The following SLC60A1 variants were observed in gnomAD, a reference collection of about 807,000 sequenced individuals.
SLC60A1 encodes the protein major facilitator superfamily domain containing 4.
chr1:205,586,945 G>A, the SLC60A1 span, among the ~76,000 whole-genome samples: 1 of 152,044 alleles, frequency 6.6e-6, no homozygotes, highest in Non-Finnish European at 1.5e-5. Context: ...TGATCCACCC[G>A]CCTCGGCCTC....
the SLC60A1 span, among the ~76,000 whole-genome samples, chr1:205,573,534 A>G: frequency 6.7e-6 from 1 of 150,326 alleles, no homozygotes; most frequent in Non-Finnish European, 1.5e-5. Context: ...ACATTATGCT[A>G]AGTGAAAGAA....
chr1:205,592,306 C>A, the SLC60A1 span: 1 of 1,599,564 alleles, frequency 6.3e-7, no homozygotes, highest in Non-Finnish European at 8.5e-7. Flanking sequence ...CGGGCCCGAG[C>A]CAGGAGGCGC....
the SLC60A1 span, among the ~76,000 whole-genome samples, chr1:205,597,373 G>GTTTTTTGTTTTTTTTTT: frequency 5.4e-5 from 2 of 37,228 alleles, 1 homozygote; most frequent in African/African-American, 1.3e-4. Context: ...AACCTAGGTT[G>GTTTTTTGTTTTTTTTTT]TTTTTTTTTT....
chr1:205,574,734 G>A, the SLC60A1 span, among the ~76,000 whole-genome samples: 109,171 of 152,024 alleles, frequency 0.72, 39,854 homozygotes, highest in East Asian at 0.83. Context: ...AGAGCCAGGC[G>A]TGCAAAGAAT....
At chr1:205,592,281 T>C in the SLC60A1 span, 1 of 1,613,016 alleles carries the variant, frequency 6.2e-7, no homozygotes, top group Non-Finnish European at 8.5e-7. Flanking sequence ...CTCGCTGCAG[T>C]ACAAAGGTGA....
At chr1:205,591,649 C>A in the SLC60A1 span, among the ~76,000 whole-genome samples, 1 of 152,250 alleles carries the variant, frequency 6.6e-6, no homozygotes, top group South Asian at 2.1e-4. Context: ...GAGGATGGGA[C>A]CCTGCTGCCA....
chr1:205,588,667 C>A, the SLC60A1 span, among the ~76,000 whole-genome samples: 1 of 150,696 alleles, frequency 6.6e-6, no homozygotes, highest in East Asian at 2.0e-4. Flanking sequence ...ATGTGAAGTG[C>A]CTGTGTCATA....
chr1:205,585,043 C>T, the SLC60A1 span: 9 of 1,468,474 alleles, frequency 6.1e-6, no homozygotes, highest in African/African-American at 9.7e-5. The surrounding 1 kb of genome is among the most constrained non-coding windows in gnomAD (Gnocchi z 4.2). Flanking sequence ...CACCCCCAGA[C>T]TCCAGTCTGG....
chr1:205,578,172 G>A, the SLC60A1 span, among the ~76,000 whole-genome samples: 1 of 152,240 alleles, frequency 6.6e-6, no homozygotes, highest in African/African-American at 2.4e-5. Context: ...GCAAAGTGGT[G>A]AGTGAGGTGG....
the SLC60A1 span, chr1:205,592,418 A>G: frequency 1.0e-6 from 1 of 989,262 alleles, no homozygotes; most frequent in Admixed American, 3.3e-5. Flanking sequence ...GTTTTAGGGT[A>G]CATGTGCACA....
the SLC60A1 span, chr1:205,600,390 T>A: frequency 1.2e-6 from 2 of 1,613,556 alleles, no homozygotes; most frequent in African/African-American, 2.7e-5. Context: ...CTACCTGTTT[T>A]GTTTTTCTTT....
At chr1:205,577,824 CTCTG>C in the SLC60A1 span, among the ~76,000 whole-genome samples, 1 of 152,234 alleles carries the variant, frequency 6.6e-6, no homozygotes, top group Non-Finnish European at 1.5e-5. The surrounding 1 kb of genome is among the most constrained non-coding windows in gnomAD (Gnocchi z 5.2). Context: ...AGAGTTCAGG[CTCTG>C]TCTGCTGCTA....
the SLC60A1 span, among the ~76,000 whole-genome samples, chr1:205,580,206 C>T: frequency 1.3e-5 from 2 of 151,828 alleles, no homozygotes; most frequent in African/African-American, 4.8e-5. This position sits in a 1 kb window ranked among gnomAD's most constrained non-coding sequence, Gnocchi z 5.0. Flanking sequence ...GCTTGCCTCC[C>T]CTCTCCTTCC....
chr1:205,569,106 C>A, the SLC60A1 span: 3 of 1,517,686 alleles, frequency 2.0e-6, no homozygotes, highest in African/African-American at 4.3e-5. Context: ...GCTGCTCCGC[C>A]GCAACCTGCA....
At chr1:205,582,642 G>A in the SLC60A1 span, among the ~76,000 whole-genome samples, 1 of 152,182 alleles carries the variant, frequency 6.6e-6, no homozygotes, top group Non-Finnish European at 1.5e-5. Context: ...ACAGGCCTCT[G>A]TGGGTGGGTT....
the SLC60A1 span, among the ~76,000 whole-genome samples, chr1:205,586,696 AC>A: frequency 1.6e-5 from 2 of 127,786 alleles, 1 homozygote; most frequent in Non-Finnish European, 3.3e-5. Flanking sequence ...CTCCTAGGTG[AC>A]TCTTTTTTTT....
At chr1:205,584,550 A>T in the SLC60A1 span, among the ~76,000 whole-genome samples, 190 of 88,598 alleles carry the variant, frequency 2.1e-3, no homozygotes, top group South Asian at 4.6e-3. Flanking sequence ...TTTTTTTTTA[A>T]AAAAAAAAAA....
chr1:205,578,860 A>G, the SLC60A1 span, among the ~76,000 whole-genome samples: 6 of 152,068 alleles, frequency 3.9e-5, no homozygotes, highest in East Asian at 1.9e-4. Flanking sequence ...CTGCTGCCCA[A>G]TCTCTCCTCT....
the SLC60A1 span, chr1:205,581,026 G>C: frequency 2.1e-6 from 3 of 1,427,550 alleles, no homozygotes; most frequent in East Asian, 7.4e-5. The surrounding 1 kb of genome is among the most constrained non-coding windows in gnomAD (Gnocchi z 4.2). Flanking sequence ...GAAACGTGCT[G>C]GGGCTGAGGT....
Sources: allele counts gnomAD v4.1 joint callset (sites outside exome capture counted in the v4.1 genomes callset), GRCh38; gene constraint gnomAD v4.1.1; non-coding constraint Gnocchi (gnomAD v3.1); transcripts MANE v1.5; gene names NCBI Gene and HGNC (gene_info 2026-07-23, HGNC 2026-07-21).